NIPSNAP3B: variants seen among roughly 807,000 people sequenced by gnomAD.
NIPSNAP3B encodes the protein nipsnap homolog 3B.
A neutral mutation model predicts 31.5 loss-of-function variants in NIPSNAP3B; 30 were observed. The ratio of observed to expected loss-of-function variants is 0.95; its 90% CI spans 0.71 to 1.29. The LOEUF (loss-of-function observed/expected upper bound fraction) is 1.29. Among genes scored for constraint, NIPSNAP3B ranks in the 50% most tolerant of loss-of-function variants. The probability of loss-of-function intolerance (pLI) is 0.00; values close to 1 mark genes in which losing one functional copy is unlikely to be tolerated. For missense variants in NIPSNAP3B, 269 were observed against 300.7 expected, an observed-to-expected ratio of 0.89 and a Z score of 0.78; for synonymous variants, 106 against 107.9, an observed-to-expected ratio of 0.98 and a Z score of 0.11.
At chr9:104,772,141 C>T (rs1179666071) in intron 4 of NIPSNAP3B, among the ~76,000 whole-genome samples, 2 of 149,444 alleles carry the variant, frequency 1.3e-5, no homozygotes, top group East Asian at 3.9e-4. Context: ...TTGTCAGATG[C>T]GTAGTTTGCA....
At position 104,776,118 on chromosome 9, in the gene NIPSNAP3B, G is replaced by T. The variant is rs932814669; in HGVS notation, c.*3045G>T. On this transcript the variant is annotated 3_prime_UTR_variant, in exon 6 of 6. Transcript: ENST00000374762. ...GTTATTGTCCAAGCCTCTAACTGTG[G>T]TCTACAAGTCTTTACATGATCTGTC... Among the ~76,000 whole-genome samples the T allele has an allele frequency of 1.1e-4, 16 of 152,092 alleles. No individual in the cohort carries two copies. Among genetic ancestry groups the T allele is most frequent in the Non-Finnish European group, 1.5e-4 (10 of 68,018 alleles).
the NIPSNAP3B span, chr9:104,787,011 G>A: frequency 6.4e-7 from 1 of 1,560,010 alleles, no homozygotes; most frequent in Non-Finnish European, 8.7e-7. Context: ...TATTTGCTGG[G>A]GGGAAAAAAA....
intron 1 of NIPSNAP3B, among the ~76,000 whole-genome samples, chr9:104,764,595 A>G (rs1006919711): frequency 3.3e-5 from 5 of 152,182 alleles, no homozygotes; most frequent in Admixed American, 3.3e-4. Flanking sequence ...GCTGGAGTGC[A>G]GTGGCGTAGT....
chr9:104,785,690 A>G, the NIPSNAP3B span: 3 of 1,609,754 alleles, frequency 1.9e-6, no homozygotes, highest in Non-Finnish European at 2.5e-6. Flanking sequence ...AAACTATTTA[A>G]AAGAATACTG....
chr9:104,778,219 C>T (rs559030621), downstream of NIPSNAP3B, among the ~76,000 whole-genome samples: 16 of 152,152 alleles, frequency 1.1e-4, 1 homozygote, highest in Admixed American at 3.3e-4. Flanking sequence ...TAAATATATA[C>T]GTACCAATAA....
chr9:104,784,166 A>C, the NIPSNAP3B span: 1 of 1,001,296 alleles, frequency 1.0e-6, no homozygotes, highest in South Asian at 1.5e-5. Context: ...CATTGCATTG[A>C]ATTGCATTGC....
downstream of NIPSNAP3B, chr9:104,782,541 A>G (rs1828604793): frequency 6.6e-6 from 1 of 152,140 alleles, no homozygotes; most frequent in African/African-American, 2.4e-5. Context: ...GTGAAACAGT[A>G]TTTTTACAAA....
rs1828092092 is a variant in NIPSNAP3B, at chr9:104,766,446, A to G, written c.182A>G (p.His61Arg). The change falls in exon 2 of 6, where the codon CAT becomes CGT. Residue 61 changes from histidine to arginine, a missense_variant. Coordinates refer to ENST00000374762, the MANE Select transcript of NIPSNAP3B (RefSeq NM_018376.4). ...ATGGAAAATCTTAAGAAAAACATTCATCTTCGGACCTCTTACTCTGAATTG... is the reference window on the plus strand; with the variant it reads ...ATGGAAAATCTTAAGAAAAACATTCGTCTTCGGACCTCTTACTCTGAATTG... ...AFMENLKKNI[H>R]LRTSYSELVG... 2.5e-6 allele frequency: 4 copies of G among 1,613,894 alleles called. No homozygotes were observed. Among genetic ancestry groups the G allele is most frequent in the Non-Finnish European group, 3.4e-6 (4 of 1,179,800 alleles).
chr9:104,780,312 C>CTT (rs1019181272), downstream of NIPSNAP3B, among the ~76,000 whole-genome samples: 26 of 152,324 alleles, frequency 1.7e-4, 1 homozygote, highest in South Asian at 1.7e-3. Context: ...GCTCACGACA[C>CTT]TGTCACAGCC....
chr9:104,786,329 A>C, the NIPSNAP3B span: 1 of 1,614,166 alleles, frequency 6.2e-7, no homozygotes, highest in South Asian at 1.1e-5. Flanking sequence ...CTGCCAAGGC[A>C]CCTGAACCTT....
chr9:104,766,681 G>T lies in NIPSNAP3B; in HGVS notation c.271+146G>T, dbSNP rs868141531. ...AAGCAATACCAAAAAAATAAATTTA[G>T]CAGATCTTCTTCCCAGTGGTACACC... On this transcript the variant is annotated intron_variant, in intron 2 of 5. Coordinates refer to ENST00000374762, the MANE Select transcript of NIPSNAP3B (RefSeq NM_018376.4). 5.3e-6 allele frequency: 4 copies of T among 748,258 alleles called. No individual in the cohort carries two copies. The African/African-American group carries it at 7.1e-5, about 13-fold the overall frequency. The allele number at this position is 748,258 out of a possible 1,614,324, so 46.4% of individuals were successfully genotyped here.
rs751718699 is a variant in NIPSNAP3B at position 104,772,922 on chromosome 9, C to G, written c.667+14C>G. On this transcript the variant is annotated intron_variant, in intron 5 of 5. Transcript: ENST00000374762. ...TTGTGGCGGCTGGTAAGCTGTTTCA[C>G]TAAGCACGAATTATTTTTAGAACAA... 6.2e-7 allele frequency: 1 copy of G among 1,613,676 alleles called. No homozygotes were observed. Among genetic ancestry groups the G allele is most frequent in the Non-Finnish European group, 8.5e-7 (1 of 1,179,808 alleles).
chr9:104,772,794 A>G (rs774265691), intron 4 of NIPSNAP3B, 28 bp from the exon 5 acceptor site: 1 of 1,602,762 alleles, frequency 6.2e-7, no homozygotes, highest in South Asian at 1.1e-5. Flanking sequence ...CATATATTTC[A>G]GAAACTACTT....
chr9:104,787,804 T>C, the NIPSNAP3B span: 2 of 1,607,760 alleles, frequency 1.2e-6, no homozygotes, highest in Middle Eastern at 1.9e-4. Flanking sequence ...GTTGCTCTGC[T>C]GTCCCTGGGG....
chr9:104,785,273 A>G, the NIPSNAP3B span: 1 of 1,298,628 alleles, frequency 7.7e-7, no homozygotes, highest in Non-Finnish European at 1.1e-6. Context: ...ATAGCTAGGA[A>G]TAGTAGATCA....
the NIPSNAP3B span, chr9:104,786,299 T>C: frequency 1.2e-6 from 2 of 1,612,512 alleles, no homozygotes; most frequent in African/African-American, 2.7e-5. Flanking sequence ...CTTTATTACC[T>C]ATTTTTTAGA....
chr9:104,786,222 C>G, the NIPSNAP3B span: 13 of 1,213,646 alleles, frequency 1.1e-5, no homozygotes, highest in Non-Finnish European at 1.6e-5. Flanking sequence ...GTTAGAGGCA[C>G]CATTTATATA....
chr9:104,780,521 T>G (rs1230151591), downstream of NIPSNAP3B, among the ~76,000 whole-genome samples: 2 of 152,218 alleles, frequency 1.3e-5, 1 homozygote. Context: ...AAGGAAGGAA[T>G]CACCGATATT....
At chr9:104,781,435 G>A (rs979001458), downstream of NIPSNAP3B, 2 of 152,548 alleles carry the variant, frequency 1.3e-5, no homozygotes, top group African/African-American at 4.8e-5. Context: ...ACAAATTAAT[G>A]TCTCAATATC....
Sources: allele counts gnomAD v4.1 joint callset (sites outside exome capture counted in the v4.1 genomes callset), GRCh38; gene constraint gnomAD v4.1.1; transcripts MANE v1.5; gene names NCBI Gene and HGNC (gene_info 2026-07-23, HGNC 2026-07-21).